The following TRIM14 variants were observed in gnomAD, a reference collection of about 807,000 sequenced individuals.
TRIM14 encodes the protein tripartite motif containing 14, also known as tripartite motif-containing protein 14.
In TRIM14, 28 loss-of-function variants were observed where a neutral mutation model predicts 44.5. The observed-to-expected ratio is 0.63, with a 90% CI of 0.47 to 0.86. The LOEUF (loss-of-function observed/expected upper bound fraction) is 0.86. TRIM14 is among the 40% of genes least tolerant of loss of function. The pLI, the probability that TRIM14 is intolerant of heterozygous loss-of-function variation, is 0.00. For synonymous variants in TRIM14, 299 were observed against 269.2 expected (o/e 1.11, Z -1.08); for missense variants, 607 against 611.1 (o/e 0.99, Z 0.07).
In TRIM14 at chr9:98,086,457, A is replaced by G. The variant is rs918973871; in HGVS notation, c.*1013T>C. 6.6e-6 allele frequency: 1 copy of G among 152,314 alleles called. No homozygotes were observed. The highest frequency in any genetic ancestry group is 1.5e-5 in the Non-Finnish European group (1 of 68,152). The allele number at this position is 152,314 out of a possible 1,614,324, so 9.4% of individuals were successfully genotyped here. A position where few individuals can be genotyped will look rare whatever the true frequency, so the allele number is the denominator to read the frequency against. ...AGTGATAGGCACCTGCTGGTTATTA[A>G]TTCACTGCTTGGGAGGGAAGGGGCT... On this transcript the variant is annotated 3_prime_UTR_variant, in exon 6 of 6. Transcript: ENST00000341469.
chr9:98,113,072 C>T (rs1046320531), intron 1 of TRIM14, among the ~76,000 whole-genome samples: 1 of 141,508 alleles, frequency 7.1e-6, no homozygotes, highest in South Asian at 2.2e-4. Context: ...CAGTTCATGC[C>T]ACTGCACTCC....
intron 1 of TRIM14, among the ~76,000 whole-genome samples, chr9:98,110,641 C>T (rs532404779): frequency 6.6e-6 from 1 of 152,178 alleles, no homozygotes; most frequent in East Asian, 1.9e-4. Flanking sequence ...TTCTTGAGGG[C>T]AGGCTCGCTT....
At chr9:98,117,260 C>T (rs552261800) in intron 1 of TRIM14, among the ~76,000 whole-genome samples, 2 of 151,608 alleles carry the variant, frequency 1.3e-5, no homozygotes, top group African/African-American at 4.8e-5. Flanking sequence ...TGTTGTTCTG[C>T]CATAGAGATT....
At chr9:98,040,688 C>T in the TRIM14 span, among the ~76,000 whole-genome samples, 28 of 151,408 alleles carry the variant, frequency 1.8e-4, 1 homozygote, top group East Asian at 5.1e-3. Context: ...GACGGAGTCT[C>T]GCTGTGTCAC....
At chr9:98,102,690 G>T (rs141129755) in intron 2 of TRIM14, among the ~76,000 whole-genome samples, 3 of 152,280 alleles carry the variant, frequency 2.0e-5, no homozygotes, top group East Asian at 3.9e-4. Context: ...AGGGGAAATG[G>T]GGAGTAATTG....
intron 2 of TRIM14, among the ~76,000 whole-genome samples, chr9:98,102,007 CAAAAAA>C (rs998993291): frequency 5.2e-5 from 3 of 57,722 alleles, no homozygotes; most frequent in African/African-American, 1.9e-4. Flanking sequence ...GACTTTGACT[CAAAAAA>C]AAAAAAAAAA....
At chr9:98,107,615 T>C (rs1826668850) in intron 2 of TRIM14, among the ~76,000 whole-genome samples, 1 of 151,900 alleles carries the variant, frequency 6.6e-6, no homozygotes. Context: ...TTGCCAGGGG[T>C]TAGGGATTGG....
intron 4 of TRIM14, among the ~76,000 whole-genome samples, chr9:98,094,035 C>T (rs1185647961): frequency 2.6e-5 from 4 of 152,164 alleles, no homozygotes; most frequent in Non-Finnish European, 5.9e-5. Context: ...TGAGCCACCA[C>T]GCCCGGCCTT....
chr9:98,114,943 T>C (rs1346576685), intron 1 of TRIM14, among the ~76,000 whole-genome samples: 1 of 152,218 alleles, frequency 6.6e-6, no homozygotes, highest in East Asian at 1.9e-4. Context: ...TTTATATTGT[T>C]TTTCAGTCAA....
Position 98,077,034 on chromosome 9 carries a change from T to A in TRIM14, c.*29-7347A>T. 1 of 1,581,362 alleles carries A rather than the reference T, an allele frequency of 6.3e-7. No individual in the cohort carries two copies. Among genetic ancestry groups the A allele is most frequent in the Non-Finnish European group, 8.6e-7 (1 of 1,156,870 alleles). On this transcript the variant is annotated intron_variant, in intron 6 of 6. Transcript: ENST00000375098. The stretch of plus-strand genomic sequence containing the variant: ...CCAAAAAAGGTAAGTGTCTAATTTT[T>A]GACTTAAAATCGAAGGGAGTCCAAA...
intron 4 of TRIM14, 91 bp downstream of exon 4, chr9:98,094,776 C>T: frequency 6.8e-7 from 1 of 1,460,406 alleles, no homozygotes; most frequent in Non-Finnish European, 9.3e-7. Flanking sequence ...GTGGGAGAGA[C>T]AGGATGTAGG....
Position 98,099,988 on chromosome 9 carries a change from A to C in TRIM14, c.480T>G (p.Asp160Glu), listed in dbSNP as rs1479016058. The C allele has an allele frequency of 6.2e-7, 1 of 1,614,170 alleles. No individual in the cohort carries two copies. Among genetic ancestry groups the C allele is most frequent in the Admixed American group, 1.7e-5 (1 of 60,018 alleles). The stretch of plus-strand genomic sequence containing the variant: ...TGATACTCCAGACCCTGTTGGAGAG[A>C]TCATTCATGATGTCAAGTTGCTCTC... ...SCREQLDIMN[D>E]LSNRVWSISQ... The change falls in exon 3 of 6, where the codon GAT becomes GAG. Residue 160 changes from aspartate (D) to glutamate (E), a missense_variant. Physicochemically the swap from Asp to Glu is conservative, Grantham distance 45. Around this residue, in one of 3 missense-constraint regions of TRIM14, gnomAD observed 246 missense variants for 270.8 expected, o/e 0.91. Transcript: ENST00000341469.
intron 4 of TRIM14, 124 bp downstream of exon 4, chr9:98,094,743 A>G (rs920544736): frequency 8.4e-7 from 1 of 1,184,216 alleles, no homozygotes; most frequent in African/African-American, 1.5e-5. Context: ...GGAGCCCCTG[A>G]CCGCCCAGCC....
chr9:98,047,027 T>C, the TRIM14 span, among the ~76,000 whole-genome samples: 4 of 152,112 alleles, frequency 2.6e-5, no homozygotes, highest in African/African-American at 9.7e-5. Flanking sequence ...AATGGGTGGG[T>C]GATATGGCTT....
chr9:98,114,527 G>A (rs1486217314), intron 1 of TRIM14, among the ~76,000 whole-genome samples: 1 of 152,002 alleles, frequency 6.6e-6, no homozygotes, highest in East Asian at 1.9e-4. Flanking sequence ...GTAGAGACAG[G>A]GTTTCACCAT....
the TRIM14 span, among the ~76,000 whole-genome samples, chr9:98,038,276 T>G: frequency 1.3e-5 from 2 of 152,098 alleles, no homozygotes; most frequent in Non-Finnish European, 2.9e-5. Context: ...GGTCTCAAAC[T>G]CCTGACCTCA....
At chr9:98,076,865 C>A in intron 6 of TRIM14, 1 of 1,439,536 alleles carries the variant, frequency 6.9e-7, no homozygotes, top group Non-Finnish European at 9.7e-7. Flanking sequence ...CCTGTCATAA[C>A]AACAGTGTTT....
chr9:98,070,266 T>A (rs138376947), intron 6 of TRIM14, among the ~76,000 whole-genome samples: 2,134 of 152,090 alleles, frequency 0.014, 47 homozygotes, highest in African/African-American at 0.049. Flanking sequence ...TACAGGTGTA[T>A]GCCACCATGC....
chr9:98,070,033 C>T (rs993500617), intron 6 of TRIM14, among the ~76,000 whole-genome samples: 2 of 152,200 alleles, frequency 1.3e-5, no homozygotes, highest in Non-Finnish European at 2.9e-5. Flanking sequence ...TATAGTATCT[C>T]TCTGTGTTCT....
Sources: allele counts gnomAD v4.1 joint callset (sites outside exome capture counted in the v4.1 genomes callset), GRCh38; gene constraint gnomAD v4.1.1; regional missense constraint gnomAD v4.1.1; transcripts MANE v1.5; gene names NCBI Gene and HGNC (gene_info 2026-07-23, HGNC 2026-07-21).